Variants in POTEI observed in about 807,000 individuals in gnomAD.
POTEI encodes the protein POTE ankyrin domain family, member I.
POTEI carries 14 observed loss-of-function variants against 43.4 expected under a neutral mutation model. That is an observed-to-expected ratio of 0.32 (90% CI 0.21 to 0.50). The LOEUF (loss-of-function observed/expected upper bound fraction) is 0.50, where lower values mean the gene tolerates loss of function less well. POTEI is among the 20% of genes least tolerant of loss of function. The pLI is 0.98. For missense variants in POTEI, 235 were observed against 795.4 expected (o/e 0.30, Z 8.47); for synonymous variants, 95 against 297.9 (o/e 0.32, Z 7.01).
chr2:130,477,245 C>T (rs1199146358), intron 10 of POTEI, among the ~76,000 whole-genome samples: 4 of 149,042 alleles, frequency 2.7e-5, no homozygotes, highest in Non-Finnish European at 4.4e-5. Context: ...CCTCCGCCTC[C>T]CTGGTTCAAG....
In POTEI at chr2:130,505,160, G is replaced by A. The variant is rs1375873786; in HGVS notation, c.522-1266C>T. On this transcript the variant is annotated intron_variant, in intron 1 of 14. Coordinates refer to ENST00000451531, the MANE Select transcript of POTEI (RefSeq NM_001277406.2). ...TTAGCTCCCACCTGTAATTGAGAAC[G>A]TGCTGTATTTGGTTTTCTCTTCCTA... is the stretch of plus-strand genomic sequence containing the variant. 9.6e-4 allele frequency among the ~76,000 whole-genome samples: 142 copies of A among 148,144 alleles called. 5 individuals carry two copies. Among genetic ancestry groups the A allele is most frequent in the African/African-American group, 2.5e-3 (99 of 40,206 alleles).
At position 130,461,607 on chromosome 2, in the gene POTEI, C is replaced by T. The variant is rs1573903963; in HGVS notation, c.*1209G>A. 1 of 152,196 alleles carries T rather than the reference C, an allele frequency of 6.6e-6. No homozygotes were observed. The highest frequency in any genetic ancestry group is 2.4e-5 in the African/African-American group (1 of 41,488). The allele number at this position is 152,196 out of a possible 1,614,324, so 9.4% of individuals were successfully genotyped here. A position where few individuals can be genotyped will look rare whatever the true frequency, so the allele number is the denominator to read the frequency against. On this transcript the variant is annotated 3_prime_UTR_variant, in exon 15 of 15. Transcript: ENST00000451531. ...GCCTGCCCCTCTCCGGGAGCTCTGT[C>T]CCAGGAACATTTCACATTTCCATTG... is the stretch of plus-strand genomic sequence containing the variant.
intron 10 of POTEI, among the ~76,000 whole-genome samples, chr2:130,479,272 G>GA (rs532562563): frequency 0.014 from 2,012 of 149,008 alleles, 54 homozygotes; most frequent in African/African-American, 0.047. Context: ...TTTCTTACAG[G>GA]AAAAAAAAAT....
chr2:130,509,139 G>T lies in POTEI; in HGVS notation c.97C>A (p.Pro33Thr), dbSNP rs756033546. Residue 33 changes from proline to threonine, a missense_variant, in exon 1 of 15, where the codon CCC becomes ACC. Transcript: ENST00000451531. ...KMGKWCRHCF[P>T]CCRGSGKSNV... ...CTCTTGCCGCTCCCCCTGCAGCAGG[G>T]GAAGCAGTGGCGGCACCACTTGCCC... 1 of 1,511,166 alleles carries T rather than the reference G, an allele frequency of 6.6e-7. No individual in the cohort carries two copies. Among genetic ancestry groups the T allele is most frequent in the Non-Finnish European group, 8.8e-7 (1 of 1,138,998 alleles). The allele number at this position is 1,511,166 out of a possible 1,614,324, so 93.6% of individuals were successfully genotyped here. A position where few individuals can be genotyped will look rare whatever the true frequency, so the allele number is the denominator to read the frequency against.
At chr2:130,477,788 A>C (rs1411382458) in intron 10 of POTEI, among the ~76,000 whole-genome samples, 1 of 143,112 alleles carries the variant, frequency 7.0e-6, no homozygotes, top group African/African-American at 2.8e-5. Context: ...GCAGAGACTT[A>C]AATATTGAGA....
In POTEI at chr2:130,463,221, C is replaced by T; in HGVS notation, c.2823G>A (p.Glu941=). 3 of 1,479,004 alleles carry T rather than the reference C, an allele frequency of 2.0e-6. No individual in the cohort carries two copies. Among genetic ancestry groups the T allele is most frequent in the Non-Finnish European group, 1.8e-6 (2 of 1,120,678 alleles). The allele number at this position is 1,479,004 out of a possible 1,614,324, so 91.6% of individuals were successfully genotyped here. A position where few individuals can be genotyped will look rare whatever the true frequency, so the allele number is the denominator to read the frequency against. Residue 941 remains glutamate, a synonymous_variant, in exon 15 of 15, where the codon GAG becomes GAA. Transcript: ENST00000451531. ...ASSSSLEKSY[E]LPDGQVITIG... is the part of the protein sequence containing the mutation. ...TGGTGATGACCTGGCCATCGGGCAG[C>T]TCGTAGCTCTTCTCTAGGGAGGAGC...
rs896025350 is a variant in POTEI at position 130,488,636 on chromosome 2, C to T, written c.1243-438G>A. On this transcript the variant is annotated intron_variant, in intron 8 of 14. Transcript: ENST00000451531. ...CAGATTTAGAGGATGACACACTGTGCGGCTTCAGGAACAGAAAGGAAGTTT... is the reference window on the plus strand; with the variant it reads ...CAGATTTAGAGGATGACACACTGTGTGGCTTCAGGAACAGAAAGGAAGTTT... Among the ~76,000 whole-genome samples, 12 of 127,718 alleles carry T rather than the reference C, an allele frequency of 9.4e-5. 1 individual carries two copies. Among genetic ancestry groups the T allele is most frequent in the South Asian group, 9.1e-4 (3 of 3,294 alleles). The allele number at this position is 127,718 out of a possible 152,430, so 83.8% of individuals were successfully genotyped here. A position where few individuals can be genotyped will look rare whatever the true frequency, so the allele number is the denominator to read the frequency against.
Position 130,459,747 on chromosome 2 carries a change from TC to T in POTEI, c.*3068del, listed in dbSNP as rs1419207285. 1 of 98,200 alleles carries T rather than the reference TC, an allele frequency of 1.0e-5. No homozygotes were observed. The highest frequency in any genetic ancestry group is 2.7e-4 in the East Asian group (1 of 3,766). 6.1% of individuals were successfully genotyped at this position (98,200 alleles called of 1,614,324 possible). On this transcript the variant is annotated 3_prime_UTR_variant, in exon 15 of 15. Coordinates refer to ENST00000451531, the MANE Select transcript of POTEI (RefSeq NM_001277406.2). ...GTGTTTTTGTAGTAGCAGGTGATGA[TC>T]TTTTCTTTCCATATTTAGTGCTTCC... is the stretch of plus-strand genomic sequence containing the variant.
At chr2:130,509,344 A>C (rs1684278041), upstream of POTEI, 2 of 537,776 alleles carry the variant, frequency 3.7e-6, no homozygotes, top group Admixed American at 8.4e-5. Context: ...TGAAGAGAAA[A>C]GTCAATCCCA....
chr2:130,475,994 TTG>T, intron 11 of POTEI, among the ~76,000 whole-genome samples: 1 of 11,928 alleles, frequency 8.4e-5, no homozygotes, highest in Middle Eastern at 0.023. Context: ...GTTCTGAAAT[TTG>T]TTTTTGCCTC....
rs530150450 is a variant in POTEI at position 130,474,918 on chromosome 2, C to A, written c.1585G>T (p.Gly529Cys). 8.5e-6 allele frequency: 3 copies of A among 353,978 alleles called. No homozygotes were observed. The South Asian group carries it at 2.1e-4, about 25-fold the overall frequency. 21.9% of individuals were successfully genotyped at this position (353,978 alleles called of 1,614,324 possible). ...ATATAAAGGTATACCTCTCTATCAC[C>A]ATCCTTATTTATTTCTGGTTCTTGA... ...RSQEPEINKDGDRELENFMAI... is the reference protein window; with the variant it reads ...RSQEPEINKDCDRELENFMAI... Residue 529 changes from glycine (G) to cysteine (C), a missense_variant, in exon 12 of 15, where the codon GGT becomes TGT. By Grantham distance (159) the Gly-to-Cys change is radical. Coordinates refer to ENST00000451531, the MANE Select transcript of POTEI (RefSeq NM_001277406.2).
At chr2:130,477,558 T>C (rs1053153631) in intron 10 of POTEI, among the ~76,000 whole-genome samples, 6 of 149,770 alleles carry the variant, frequency 4.0e-5, no homozygotes, top group African/African-American at 1.5e-4. Context: ...ATTTTTCTAC[T>C]GCATCTTGAC....
At chr2:130,478,677 C>A (rs1683288284) in intron 10 of POTEI, among the ~76,000 whole-genome samples, 1 of 121,696 alleles carries the variant, frequency 8.2e-6, no homozygotes, top group Non-Finnish European at 1.6e-5. Context: ...CTTGCTCTTT[C>A]TTTTCTGGCA....
chr2:130,480,552 T>C (rs2672204), intron 10 of POTEI, among the ~76,000 whole-genome samples: 2 of 140,790 alleles, frequency 1.4e-5, no homozygotes, highest in Admixed American at 7.3e-5. Context: ...AATGTCATTC[T>C]TCTGCTTCTT....
intron 10 of POTEI, among the ~76,000 whole-genome samples, chr2:130,479,637 G>A (rs1390938264): frequency 2.0e-5 from 1 of 50,806 alleles, no homozygotes; most frequent in Non-Finnish European, 3.8e-5. Context: ...GCAGGGTTAA[G>A]TAGATATGAC....
intron 10 of POTEI, among the ~76,000 whole-genome samples, chr2:130,480,505 G>A (rs1416792200): frequency 1.3e-5 from 2 of 148,654 alleles, no homozygotes; most frequent in Non-Finnish European, 3.0e-5. Context: ...TGTTCCTTCT[G>A]GCAAACACAC....
chr2:130,507,272 GGATATATATA>G (rs1220336990), intron 1 of POTEI, among the ~76,000 whole-genome samples: 159 of 11,514 alleles, frequency 0.014, 5 homozygotes, highest in African/African-American at 0.032. Flanking sequence ...AAAAAAAAAA[GGATATATATA>G]TATATATATA....
intron 11 of POTEI, among the ~76,000 whole-genome samples, chr2:130,476,265 C>T (rs1303856057): frequency 1.9e-5 from 1 of 53,252 alleles, no homozygotes; most frequent in Admixed American, 2.3e-4. Flanking sequence ...TGGTGGATGT[C>T]GGCTCACTGC....
At chr2:130,477,816 G>T (rs74863393) in intron 10 of POTEI, among the ~76,000 whole-genome samples, 4 of 144,038 alleles carry the variant, frequency 2.8e-5, no homozygotes, top group East Asian at 2.1e-4. Context: ...GATTAAAAGG[G>T]GTAGAGGGCA....
Sources: gnomAD v4.1 joint callset for allele counts (sites outside exome capture counted in the v4.1 genomes callset) on GRCh38, gnomAD v4.1.1 for gene constraint, MANE v1.5 for transcripts, NCBI Gene and HGNC (gene_info 2026-07-23, HGNC 2026-07-21) for gene names.